Variants in SBF2 observed in about 807,000 individuals in gnomAD.
The protein encoded by SBF2 is SET binding factor 2, also known as myotubularin-related protein 13.
A neutral mutation model predicts 225.2 loss-of-function variants in SBF2; 112 were observed. The ratio of observed to expected loss-of-function variants is 0.50; its 90% CI spans 0.43 to 0.58. The LOEUF is 0.58. SBF2 is among the 20% of genes least tolerant of loss of function. The probability of loss-of-function intolerance (pLI) is 0.00; values close to 1 mark genes in which losing one functional copy is unlikely to be tolerated. For synonymous variants in SBF2, 763 were observed against 773.3 expected, an observed-to-expected ratio of 0.99 and a Z score of 0.22; for missense variants, 1,996 against 2,206.2, an observed-to-expected ratio of 0.90 and a Z score of 1.91.
intron 2 of SBF2, among the ~76,000 whole-genome samples, chr11:10,170,430 T>A (rs908412860): frequency 6.6e-6 from 1 of 152,124 alleles, no homozygotes; most frequent in Non-Finnish European, 1.5e-5. Context: ...AGAAATGAGT[T>A]CCCTGTAGAT....
intron 16 of SBF2, among the ~76,000 whole-genome samples, chr11:9,939,962 C>A (rs1461758175): frequency 1.3e-5 from 2 of 152,120 alleles, no homozygotes; most frequent in African/African-American, 4.8e-5. Context: ...GGAAACACAG[C>A]ATTTTTGAAT....
intron 2 of SBF2, among the ~76,000 whole-genome samples, chr11:10,143,902 G>T (rs1315976452): frequency 6.6e-6 from 1 of 151,978 alleles, no homozygotes; most frequent in African/African-American, 2.4e-5. Flanking sequence ...TGTATTTTTA[G>T]TAGAGACGGG....
chr11:10,141,763 A>G (rs990212718), intron 2 of SBF2, among the ~76,000 whole-genome samples: 1 of 152,164 alleles, frequency 6.6e-6, no homozygotes, highest in Non-Finnish European at 1.5e-5. Flanking sequence ...CAGTTCTCCA[A>G]CAAGACTCCC....
chr11:10,029,867 C>T lies in SBF2; in HGVS notation c.411G>A (p.Leu137=). ...CCACATACACGGTATAGATCAAACC[C>T]AGGCAAGCCTGCAAAAAGATAAATA... The part of the protein sequence containing the change: ...LYYPEIFRAC[L]GLIYTVYVDS... The change falls in exon 5 of 40, where the codon CTG becomes CTA. Residue 137 remains leucine (L), a synonymous_variant. Transcript: ENST00000256190. 1 of 1,609,654 alleles carries T rather than the reference C, an allele frequency of 6.2e-7. No individual in the cohort carries two copies. Among genetic ancestry groups the T allele is most frequent in the Non-Finnish European group, 8.5e-7 (1 of 1,175,974 alleles).
At chr11:10,268,849 T>C (rs921116353) in intron 1 of SBF2, among the ~76,000 whole-genome samples, 2 of 152,210 alleles carry the variant, frequency 1.3e-5, no homozygotes, top group African/African-American at 4.8e-5. Context: ...GTTTCAAACA[T>C]TTCTAGGACA....
intron 16 of SBF2, among the ~76,000 whole-genome samples, chr11:9,915,931 G>A (rs1466023126): frequency 6.6e-6 from 1 of 152,118 alleles, no homozygotes; most frequent in Admixed American, 6.6e-5. Flanking sequence ...AGGTGTGGTG[G>A]TGTGCACCTG....
chr11:10,230,029 A>G (rs1958762191), intron 1 of SBF2, among the ~76,000 whole-genome samples: 1 of 152,166 alleles, frequency 6.6e-6, no homozygotes, highest in Non-Finnish European at 1.5e-5. Flanking sequence ...TAGGATAGTT[A>G]GCTCTTCTTG....
chr11:10,121,471 T>C (rs1360069773), intron 2 of SBF2, among the ~76,000 whole-genome samples: 1 of 152,220 alleles, frequency 6.6e-6, no homozygotes, highest in East Asian at 1.9e-4. Flanking sequence ...AAAGGAAAGA[T>C]ATATCCCCCT....
intron 3 of SBF2, among the ~76,000 whole-genome samples, chr11:10,033,569 A>C (rs56017445): frequency 0.028 from 4,332 of 152,124 alleles, 214 homozygotes; most frequent in African/African-American, 0.1. Flanking sequence ...CTTAGTTCTT[A>C]ATTTCAATAT....
chr11:9,833,091 C>A (rs1855493387), intron 26 of SBF2, among the ~76,000 whole-genome samples: 1 of 152,202 alleles, frequency 6.6e-6, no homozygotes, highest in Non-Finnish European at 1.5e-5. Context: ...GAGAATACAG[C>A]ATGCCAATAT....
At position 9,832,261 on chromosome 11, in the gene SBF2, G is replaced by A. The variant is rs751734412; in HGVS notation, c.3615C>T (p.Val1205=). 16 of 1,613,984 alleles carry A rather than the reference G, an allele frequency of 9.9e-6. No homozygotes were observed. The Middle Eastern group carries it at 4.9e-4, about 50-fold the overall frequency. The change falls in exon 27 of 40, where the codon GTC becomes GTT. Residue 1205 remains valine, a synonymous_variant. Coordinates refer to ENST00000256190, the MANE Select transcript of SBF2 (RefSeq NM_030962.4). The part of the protein sequence containing the change: ...LRSGGFHGKG[V]VGLFKSQNSP... ...AGTTCTGAGATTTGAAAAGACCAAC[G>A]ACTCCCTTCCCATGGAATCCTCCAG...
chr11:9,951,762 A>T (rs1057044970), intron 16 of SBF2, among the ~76,000 whole-genome samples: 2 of 152,222 alleles, frequency 1.3e-5, no homozygotes, highest in Admixed American at 6.5e-5. Context: ...CAGGACAATT[A>T]TAAGTGCTGA....
At chr11:9,781,754 C>G (rs2133842171) in intron 38 of SBF2, 116 bp from the exon 39 acceptor site, 1 of 1,210,180 alleles carries the variant, frequency 8.3e-7, no homozygotes. Flanking sequence ...CTGAACTATG[C>G]CTCGAAGAAT....
At chr11:10,136,548 A>G (rs1432969120) in intron 2 of SBF2, among the ~76,000 whole-genome samples, 1 of 152,222 alleles carries the variant, frequency 6.6e-6, no homozygotes. Flanking sequence ...GGCTTGGAGA[A>G]CAAACAAATT....
Position 9,778,851 on chromosome 11 carries a change from A to G in SBF2, c.*1567T>C, listed in dbSNP as rs1479097244. ...TGTGAGGCAATGTAATGCCTTCACGAAAGTTAAAGTAATCCAGTTACAAAA... is the reference window on the plus strand; with the variant it reads ...TGTGAGGCAATGTAATGCCTTCACGGAAGTTAAAGTAATCCAGTTACAAAA... On this transcript the variant is annotated 3_prime_UTR_variant, in exon 40 of 40. Coordinates refer to ENST00000256190, the MANE Select transcript of SBF2 (RefSeq NM_030962.4). 1.3e-5 allele frequency: 2 copies of G among 152,694 alleles called. No homozygotes were observed. The highest frequency in any genetic ancestry group is 2.4e-5 in the African/African-American group (1 of 41,464). 9.5% of individuals were successfully genotyped at this position (152,694 alleles called of 1,614,324 possible).
intron 2 of SBF2, among the ~76,000 whole-genome samples, chr11:10,062,106 C>G (rs1950468673): frequency 6.6e-6 from 1 of 151,218 alleles, no homozygotes; most frequent in South Asian, 2.1e-4. Context: ...AAAAGACTCC[C>G]TAAATGGTAC....
chr11:9,913,211 A>G (rs7128275), intron 16 of SBF2, among the ~76,000 whole-genome samples: 128,942 of 152,218 alleles, frequency 0.85, 55,084 homozygotes, highest in Non-Finnish European at 0.87. Flanking sequence ...TTGAGTGGAG[A>G]TTGCAGTGGG....
rs888442249 is a variant in SBF2 at position 9,953,704 on chromosome 11, C to T, written c.1860+8253G>A. Among the ~76,000 whole-genome samples, 5 of 152,004 alleles carry T rather than the reference C, an allele frequency of 3.3e-5. 1 individual carries two copies. The South Asian group carries it at 1.0e-3, about 32-fold the overall frequency. On this transcript the variant is annotated intron_variant, in intron 16 of 39. Coordinates refer to ENST00000256190, the MANE Select transcript of SBF2 (RefSeq NM_030962.4). ...TGTCCCAACTGTTAACTGCTCAGGG[C>T]TTGGTTTTCTCTACTTGTCCTTTTC... is the stretch of plus-strand genomic sequence containing the variant.
At chr11:9,900,740 AT>A (rs1328838636) in intron 16 of SBF2, among the ~76,000 whole-genome samples, 2 of 152,024 alleles carry the variant, frequency 1.3e-5, no homozygotes, top group Non-Finnish European at 2.9e-5. Context: ...ATTTAAAAAA[AT>A]TTTTTTTAAA....
Sources: gnomAD v4.1 joint callset for allele counts (sites outside exome capture counted in the v4.1 genomes callset) on GRCh38, gnomAD v4.1.1 for gene constraint, MANE v1.5 for transcripts, NCBI Gene and HGNC (gene_info 2026-07-23, HGNC 2026-07-21) for gene names.